ARHGAP6: variants seen among roughly 807,000 people sequenced by gnomAD.
ARHGAP6 encodes rho GTPase-activating protein 6.
ARHGAP6 carries 16 observed loss-of-function variants against 55.7 expected under a neutral mutation model. The ratio of observed to expected loss-of-function variants is 0.29; its 90% CI spans 0.19 to 0.44. The LOEUF is 0.44. ARHGAP6 is among the 20% of genes least tolerant of loss of function. ARHGAP6 has a pLI of 1.00. For synonymous variants in ARHGAP6, 382 were observed against 360.9 expected (o/e 1.06, Z -0.66); for missense variants, 698 against 808.9 (o/e 0.86, Z 1.66).
chrX:11,388,731 A>G (rs1490329049), intron 1 of ARHGAP6, among the ~76,000 whole-genome samples: 2 of 111,819 alleles, frequency 1.8e-5, no homozygotes, highest in Admixed American at 1.9e-4. Flanking sequence ...TGATTTTTGT[A>G]TAAGGTGTAA....
At chrX:11,589,438 TG>T (rs1208951669) in intron 1 of ARHGAP6, among the ~76,000 whole-genome samples, 1 of 106,147 alleles carries the variant, frequency 9.4e-6, no homozygotes, top group East Asian at 3.0e-4. Flanking sequence ...TTCTCATACA[TG>T]GATATCAAGC....
At chrX:11,633,476 T>A (rs1157247835) in intron 1 of ARHGAP6, among the ~76,000 whole-genome samples, 1 of 111,939 alleles carries the variant, frequency 8.9e-6, no homozygotes, top group Non-Finnish European at 1.9e-5. Flanking sequence ...TGACCTGCCA[T>A]GATGGGTCAT....
chrX:11,518,221 G>C (rs2050866133), intron 1 of ARHGAP6, among the ~76,000 whole-genome samples: 1 of 110,087 alleles, frequency 9.1e-6, no homozygotes, highest in Admixed American at 9.8e-5. Context: ...GCTCACTGCA[G>C]CCTTGAACTC....
chrX:11,524,114 T>C (rs1010474122), intron 1 of ARHGAP6, among the ~76,000 whole-genome samples: 1 of 111,898 alleles, frequency 8.9e-6, no homozygotes, highest in African/African-American at 3.2e-5. Flanking sequence ...CTTATTATTA[T>C]AATAAAAGAA....
intron 1 of ARHGAP6, among the ~76,000 whole-genome samples, chrX:11,309,926 C>T (rs1406735833): frequency 9.1e-6 from 1 of 110,241 alleles, no homozygotes; most frequent in Non-Finnish European, 1.9e-5. Flanking sequence ...CCAAGGTGGG[C>T]GGATCACTTG....
intron 11 of ARHGAP6, chrX:11,143,383 A>G (rs2045645963): frequency 2.3e-5 from 4 of 174,679 alleles, no homozygotes; most frequent in Non-Finnish European, 3.6e-5. Context: ...ATTAAACTCA[A>G]TGAATTAAAT....
intron 1 of ARHGAP6, among the ~76,000 whole-genome samples, chrX:11,294,144 A>G (rs1395965410): frequency 8.9e-6 from 1 of 112,569 alleles, no homozygotes; most frequent in East Asian, 2.8e-4. Flanking sequence ...GAAGAATCAC[A>G]TAAAATTCGT....
At chrX:11,385,343 A>C (rs186425346) in intron 1 of ARHGAP6, among the ~76,000 whole-genome samples, 60 of 112,048 alleles carry the variant, frequency 5.4e-4, no homozygotes, top group African/African-American at 1.8e-3. Context: ...TGGTGCTGGT[A>C]CTAATAATGA....
At chrX:11,220,149 C>T (rs1257596443) in intron 2 of ARHGAP6, among the ~76,000 whole-genome samples, 2 of 109,288 alleles carry the variant, frequency 1.8e-5, no homozygotes, top group Non-Finnish European at 3.8e-5. Flanking sequence ...ATAGGGAAGC[C>T]TTTCCCCATT....
At chrX:11,162,952 T>C (rs2023881) in intron 9 of ARHGAP6, among the ~76,000 whole-genome samples, 21,017 of 111,449 alleles carry the variant, frequency 0.19, 1,479 homozygotes, top group Middle Eastern at 0.28. Context: ...AGAAGGGTAG[T>C]GAAAGACATA....
intron 1 of ARHGAP6, among the ~76,000 whole-genome samples, chrX:11,574,060 A>C (rs1231127123): frequency 1.1e-4 from 12 of 111,486 alleles, no homozygotes; most frequent in African/African-American, 3.6e-4. Flanking sequence ...CAATAACAGG[A>C]TCTGAAATTG....
At chrX:11,496,441 T>TA (rs773743236) in intron 1 of ARHGAP6, among the ~76,000 whole-genome samples, 1,680 of 111,946 alleles carry the variant, frequency 0.015, 13 homozygotes, top group Middle Eastern at 0.046. Flanking sequence ...TATAAGATTC[T>TA]AAAAAAAGCT....
intron 1 of ARHGAP6, among the ~76,000 whole-genome samples, chrX:11,525,691 C>T (rs2050982196): frequency 8.9e-6 from 1 of 111,895 alleles, no homozygotes; most frequent in African/African-American, 3.2e-5. Context: ...AAAGAAAATG[C>T]CCAAATAAAG....
At chrX:11,518,187 C>A (rs1356638669) in intron 1 of ARHGAP6, among the ~76,000 whole-genome samples, 1 of 110,479 alleles carries the variant, frequency 9.1e-6, no homozygotes, top group Non-Finnish European at 1.9e-5. Context: ...ATCACCCAGG[C>A]TGGAGTGCAG....
intron 1 of ARHGAP6, among the ~76,000 whole-genome samples, chrX:11,540,548 C>A (rs768077189): frequency 7.4e-4 from 83 of 111,430 alleles, no homozygotes; most frequent in Non-Finnish European, 1.3e-3. Flanking sequence ...AATAGCTGGT[C>A]ATTTTGATGT....
At chrX:11,593,528 T>C (rs2051864508) in intron 1 of ARHGAP6, among the ~76,000 whole-genome samples, 1 of 111,981 alleles carries the variant, frequency 8.9e-6, no homozygotes, top group Admixed American at 9.5e-5. Context: ...TTATACATTT[T>C]TCCAAATTCA....
intron 3 of ARHGAP6, among the ~76,000 whole-genome samples, chrX:11,190,482 C>T (rs5017066): frequency 1.9e-4 from 10 of 53,560 alleles, no homozygotes; most frequent in East Asian, 3.9e-4. Context: ...TATATATATA[C>T]ATATATCTAT....
intron 1 of ARHGAP6, among the ~76,000 whole-genome samples, chrX:11,555,610 C>A (rs1365123446): frequency 9.1e-6 from 1 of 110,485 alleles, no homozygotes; most frequent in Non-Finnish European, 1.9e-5. Flanking sequence ...AAAAAATTAG[C>A]CAGGAGTGGT....
chrX:11,276,533 C>A lies in ARHGAP6; in HGVS notation c.589-21826G>T, dbSNP rs2047768708. Among the ~76,000 whole-genome samples, 3 of 111,562 alleles carry A rather than the reference C, an allele frequency of 2.7e-5. 1 individual carries two copies. The highest frequency in any genetic ancestry group is 7.5e-4 in the South Asian group (2 of 2,671). ...AGTAAAAATGCAAAAAAAAGAAAAT[C>A]TTGCTTCCTGACTTTTAGTATTAAG... On this transcript the variant is annotated intron_variant, in intron 1 of 12. Transcript: ENST00000337414.
Sources: allele counts gnomAD v4.1 joint callset (sites outside exome capture counted in the v4.1 genomes callset), GRCh38; gene constraint gnomAD v4.1.1; transcripts MANE v1.5; gene names NCBI Gene and HGNC (gene_info 2026-07-23, HGNC 2026-07-21).